The following LINGO1 variants were observed in gnomAD, a reference collection of about 807,000 sequenced individuals.
The protein encoded by LINGO1 is leucine-rich repeat and immunoglobulin-like domain-containing nogo receptor-interacting protein 1.
Under a neutral mutation model 37.3 loss-of-function variants are expected in LINGO1, and 11 were observed. The ratio of observed to expected loss-of-function variants is 0.29; its 90% confidence interval spans 0.19 to 0.49. The LOEUF (loss-of-function observed/expected upper bound fraction) is 0.49, where lower values mean the gene tolerates loss of function less well. Ranked by LOEUF, LINGO1 falls within the 20% of genes least tolerant of loss-of-function variation. LINGO1 has a pLI of 0.99. For missense variants in LINGO1, 585 were observed against 878.2 expected (o/e 0.67, Z 4.22); for synonymous variants, 387 against 403.0 (o/e 0.96, Z 0.48).
At chr15:77,625,321 G>A (rs371037505) in intron 1 of LINGO1, among the ~76,000 whole-genome samples, 1 of 152,180 alleles carries the variant, frequency 6.6e-6, no homozygotes, top group Non-Finnish European at 1.5e-5. Flanking sequence ...GTTGCCAGGC[G>A]TTATTTCAAG....
At chr15:77,746,174 C>T (rs1363929903) in intron 1 of LINGO1, among the ~76,000 whole-genome samples, 1 of 147,214 alleles carries the variant, frequency 6.8e-6, no homozygotes, top group African/African-American at 2.5e-5. Context: ...TGCCACTGCA[C>T]TCTAGCCTGG....
At chr15:77,665,723 G>A (rs879515237) in intron 3 of LINGO1, among the ~76,000 whole-genome samples, 4 of 152,220 alleles carry the variant, frequency 2.6e-5, no homozygotes, top group Non-Finnish European at 5.9e-5. Context: ...GGCAGGTGAG[G>A]TGAGATGCTG....
At chr15:77,729,598 C>G (rs966028386) in intron 2 of LINGO1, among the ~76,000 whole-genome samples, 11 of 152,160 alleles carry the variant, frequency 7.2e-5, no homozygotes, top group Non-Finnish European at 1.6e-4. Flanking sequence ...AGTTGGCCAG[C>G]CCTCTGACCC....
At chr15:77,709,185 T>TA (rs1450204621) in intron 2 of LINGO1, among the ~76,000 whole-genome samples, 1 of 152,186 alleles carries the variant, frequency 6.6e-6, no homozygotes, top group East Asian at 1.9e-4. Flanking sequence ...ACGGGAGCTC[T>TA]AAAAAACTAA....
chr15:77,684,779 C>A (rs1257884639), intron 2 of LINGO1, among the ~76,000 whole-genome samples: 1 of 152,196 alleles, frequency 6.6e-6, no homozygotes, highest in Non-Finnish European at 1.5e-5. Context: ...CCAGTGACCT[C>A]CCATGCACCT....
chr15:77,718,486 G>T (rs183205850), intron 2 of LINGO1, among the ~76,000 whole-genome samples: 148 of 150,976 alleles, frequency 9.8e-4, no homozygotes, highest in African/African-American at 3.4e-3. Flanking sequence ...CCACACACAT[G>T]TATGTATTGC....
At chr15:77,715,553 C>A (rs1257680489) in intron 2 of LINGO1, among the ~76,000 whole-genome samples, 1 of 152,258 alleles carries the variant, frequency 6.6e-6, no homozygotes, top group Non-Finnish European at 1.5e-5. Flanking sequence ...CAAATCCCAC[C>A]TGTACCACTG....
At chr15:77,776,167 G>GGACA (rs2076636301) in intron 1 of LINGO1, among the ~76,000 whole-genome samples, 1 of 151,776 alleles carries the variant, frequency 6.6e-6, no homozygotes, top group Non-Finnish European at 1.5e-5. Flanking sequence ...CCCTTTATGG[G>GGACA]GACAGAGATT....
At chr15:77,672,000 G>GCCGCCTCCTCCTCCT (rs1344106118) in intron 3 of LINGO1, among the ~76,000 whole-genome samples, 52 of 145,674 alleles carry the variant, frequency 3.6e-4, no homozygotes, top group African/African-American at 1.4e-3. Flanking sequence ...ATGAGCCTCT[G>GCCGCCTCCTCCTCCT]CCTCCTCCTC....
chr15:77,656,627 G>T (rs2074872628), intron 3 of LINGO1, among the ~76,000 whole-genome samples: 1 of 152,114 alleles, frequency 6.6e-6, no homozygotes, highest in African/African-American at 2.4e-5. Flanking sequence ...TCACCCTCTT[G>T]GGCACACGAG....
chr15:77,767,570 G>T (rs541296767), intron 1 of LINGO1, among the ~76,000 whole-genome samples: 1 of 152,330 alleles, frequency 6.6e-6, no homozygotes, highest in South Asian at 2.1e-4. Flanking sequence ...GATCCTGCAT[G>T]TCTGCTGCAC....
intron 2 of LINGO1, among the ~76,000 whole-genome samples, chr15:77,721,531 A>C (rs1159542100): frequency 6.6e-6 from 1 of 152,180 alleles, no homozygotes; most frequent in Non-Finnish European, 1.5e-5. Context: ...CATTGTTGGC[A>C]TTCTTTATTT....
intron 1 of LINGO1, among the ~76,000 whole-genome samples, chr15:77,621,176 T>A (rs1231243793): frequency 6.6e-6 from 1 of 151,876 alleles, no homozygotes; most frequent in East Asian, 1.9e-4. Flanking sequence ...GGCCTCAGCC[T>A]CCCAGATAGC....
chr15:77,651,623 CAATGATT>C (rs2074759646), intron 3 of LINGO1: 1 of 152,206 alleles, frequency 6.6e-6, no homozygotes, highest in African/African-American at 2.4e-5. Context: ...AATGAATAAG[CAATGATT>C]CCAAAGTATG....
Position 77,809,222 on chromosome 15 carries a change from C to A in LINGO1, c.-458+11036G>T, listed in dbSNP as rs541410287. ...TGCCTCCCCTCCAGCCCGAGGCCTG[C>A]AGGTCAGCTCTCAGCCATCCTCCCA... On this transcript the variant is annotated intron_variant, in intron 1 of 5. Coordinates refer to the LINGO1 transcript ENST00000562933. Among the ~76,000 whole-genome samples, 4 of 152,348 alleles carry A rather than the reference C, an allele frequency of 2.6e-5. No homozygotes were observed. The East Asian group carries it at 7.7e-4, about 29-fold the overall frequency.
At chr15:77,800,381 C>T (rs12595659) in intron 1 of LINGO1, among the ~76,000 whole-genome samples, 79,330 of 152,072 alleles carry the variant, frequency 0.52, 21,084 homozygotes, top group South Asian at 0.61. Flanking sequence ...GCAGAGCATA[C>T]GAGAGACAGA....
upstream of LINGO1, among the ~76,000 whole-genome samples, chr15:77,697,430 G>A (rs966981483): frequency 6.6e-6 from 1 of 152,126 alleles, no homozygotes; most frequent in Non-Finnish European, 1.5e-5. Context: ...AGGGTAAGAC[G>A]CCTAGAGCCC....
chr15:77,709,694 G>T (rs1036201851), intron 2 of LINGO1, among the ~76,000 whole-genome samples: 2 of 152,236 alleles, frequency 1.3e-5, no homozygotes, highest in African/African-American at 2.4e-5. Context: ...CTTTCCAGTG[G>T]CGCTGCAGGC....
chr15:77,646,060 T>C (rs933865210), intron 3 of LINGO1, among the ~76,000 whole-genome samples: 1 of 152,162 alleles, frequency 6.6e-6, no homozygotes, highest in African/African-American at 2.4e-5. Flanking sequence ...GTGGGCGAGA[T>C]AAAAGGGTGG....
Sources: allele counts gnomAD v4.1 joint callset (sites outside exome capture counted in the v4.1 genomes callset), GRCh38; gene constraint gnomAD v4.1.1; transcripts MANE v1.5; gene names NCBI Gene and HGNC (gene_info 2026-07-23, HGNC 2026-07-21).